The following TRPM5 variants were observed in gnomAD, a reference collection of about 807,000 sequenced individuals.
The protein encoded by TRPM5 is transient receptor potential cation channel subfamily M member 5, also known as MLSN1 and TRP-related.
A neutral mutation model predicts 124.9 loss-of-function variants in TRPM5; 121 were observed. The ratio of observed to expected loss-of-function variants is 0.97; its 90% CI spans 0.84 to 1.13. The LOEUF (loss-of-function observed/expected upper bound fraction) is 1.13. Ranked by LOEUF, TRPM5 falls within the 50% of genes most tolerant of loss-of-function variation. The probability of loss-of-function intolerance (pLI) is 0.00; values close to 1 mark genes in which losing one functional copy is unlikely to be tolerated. For missense variants in TRPM5, 1,643 were observed against 1,589.1 expected, an observed-to-expected ratio of 1.03 and a Z score of -0.58; for synonymous variants, 781 against 700.5, an observed-to-expected ratio of 1.11 and a Z score of -1.81.
At chr11:2,415,617 C>T in intron 8 of TRPM5, 146 bp from the exon 14 acceptor site, 1 of 660,602 alleles carries the variant, frequency 1.5e-6, no homozygotes, top group Non-Finnish European at 2.5e-6. Flanking sequence ...TCCTGCACCC[C>T]AGCCTGCCCC....
chr11:2,427,340 C>T (rs1238264893), upstream of TRPM5, among the ~76,000 whole-genome samples: 1 of 152,224 alleles, frequency 6.6e-6, no homozygotes, highest in Non-Finnish European at 1.5e-5. Flanking sequence ...TTCTCCCCAG[C>T]ACCCTGACAC....
upstream of TRPM5, among the ~76,000 whole-genome samples, chr11:2,425,222 T>C (rs888712948): frequency 6.6e-6 from 1 of 151,976 alleles, no homozygotes; most frequent in African/African-American, 2.4e-5. Context: ...AAACAACAAA[T>C]GGATGATCTC....
At chr11:2,428,602 G>C in the TRPM5 span, among the ~76,000 whole-genome samples, 5 of 151,918 alleles carry the variant, frequency 3.3e-5, no homozygotes, top group African/African-American at 1.2e-4. This position sits in a 1 kb window ranked among gnomAD's most constrained non-coding sequence, Gnocchi z 4.0. Flanking sequence ...CATGAGGGTA[G>C]TTGGGGTGGT....
At chr11:2,413,636 G>A in intron 12 of TRPM5, 48 bp from the exon 18 acceptor site, 2 of 1,546,594 alleles carry the variant, frequency 1.3e-6, no homozygotes, top group Non-Finnish European at 1.8e-6. Flanking sequence ...CCTTTGCCCA[G>A]GCTGCGCCCT....
At chr11:2,414,141 G>A (rs201970235) in exon 12 of TRPM5, 11 of 1,607,788 alleles carry the variant, frequency 6.8e-6, no homozygotes, top group African/African-American at 2.7e-5. Flanking sequence ...CTCCAGCAGC[G>A]GTTCCGGCGC....
At chr11:2,405,774 C>G (rs927014041) in intron 22 of TRPM5, among the ~76,000 whole-genome samples, 181 bp from the exon 28 acceptor site, 1 of 152,092 alleles carries the variant, frequency 6.6e-6, no homozygotes, top group African/African-American at 2.4e-5. Flanking sequence ...GAGTGAAAGG[C>G]GAGGGGTCTT....
chr11:2,410,103 C>T (rs866478771), intron 18 of TRPM5, among the ~76,000 whole-genome samples: 4 of 152,124 alleles, frequency 2.6e-5, no homozygotes, highest in African/African-American at 9.7e-5. Flanking sequence ...GAGGTGGGGT[C>T]GCAGGCAGGC....
At chr11:2,408,432 C>T (rs555285197) in intron 18 of TRPM5, among the ~76,000 whole-genome samples, 16 of 152,344 alleles carry the variant, frequency 1.1e-4, no homozygotes, top group East Asian at 3.9e-4. Context: ...CAAGTAATTC[C>T]GCCACCTTTC....
At chr11:2,404,686 T>C (rs1850276758) in exon 24 of TRPM5, 1 of 513,934 alleles carries the variant, frequency 1.9e-6, no homozygotes, top group Non-Finnish European at 3.5e-6. Flanking sequence ...GTGGGGCACG[T>C]TTTCTGCCCG....
In TRPM5 at chr11:2,418,260, G is replaced by T. The variant is rs1343853165; in HGVS notation, c.813C>A (p.His271Gln). 1 of 1,583,848 alleles carries T rather than the reference G, an allele frequency of 6.3e-7. No homozygotes were observed. Among genetic ancestry groups the T allele is most frequent in the Non-Finnish European group, 8.6e-7 (1 of 1,165,174 alleles). Residue 271 changes from histidine (H) to glutamine (Q), a missense_variant, in exon 6 of 24, where the codon CAC (histidine) becomes CAA (glutamine). Coordinates refer to ENST00000155858, the Ensembl canonical transcript of TRPM5. ...TCTCGGCCACCTTGGGCACCAGGAGGTGGGGCTGGTTCACTAGGGCAGCAA... is the reference window on the plus strand; with the variant it reads ...TCTCGGCCACCTTGGGCACCAGGAGTTGGGGCTGGTTCACTAGGGCAGCAA...
the TRPM5 span, among the ~76,000 whole-genome samples, chr11:2,439,218 A>C: frequency 6.6e-6 from 1 of 152,242 alleles, no homozygotes; most frequent in Non-Finnish European, 1.5e-5. Context: ...TCAAACTATA[A>C]GACTACTAAG....
chr11:2,405,117 T>G, intron 23 of TRPM5, 74 bp from the exon 29 acceptor site: 1 of 1,333,440 alleles, frequency 7.5e-7, no homozygotes, highest in Non-Finnish European at 1.1e-6. Context: ...GGTAGCTGGC[T>G]CAGAGGCAAG....
At chr11:2,437,533 A>G in the TRPM5 span, among the ~76,000 whole-genome samples, 2 of 152,196 alleles carry the variant, frequency 1.3e-5, no homozygotes, top group Non-Finnish European at 2.9e-5. The surrounding 1 kb of genome is among the most constrained non-coding windows in gnomAD (Gnocchi z 5.6). Flanking sequence ...ACCATCTGAC[A>G]TAGCCTGCAA....
At chr11:2,441,400 C>G in the TRPM5 span, among the ~76,000 whole-genome samples, 1 of 152,038 alleles carries the variant, frequency 6.6e-6, no homozygotes, top group South Asian at 2.1e-4. This position sits in a 1 kb window ranked among gnomAD's most constrained non-coding sequence, Gnocchi z 7.2. Flanking sequence ...CACCCTTACT[C>G]CCCCACCCTC....
chr11:2,428,801 GTGA>G, the TRPM5 span, among the ~76,000 whole-genome samples: 5 of 151,920 alleles, frequency 3.3e-5, no homozygotes, highest in South Asian at 2.1e-4. This position sits in a 1 kb window ranked among gnomAD's most constrained non-coding sequence, Gnocchi z 4.0. Flanking sequence ...GGTGGTGGTG[GTGA>G]TGATTGTGGT....
At chr11:2,434,123 CTG>C in the TRPM5 span, among the ~76,000 whole-genome samples, 3 of 146,710 alleles carry the variant, frequency 2.0e-5, no homozygotes, top group East Asian at 6.2e-4. Context: ...TATGTAGACA[CTG>C]TGTGTGGCTG....
chr11:2,413,910 C>A, intron 12 of TRPM5, 151 bp downstream of exon 17: 1 of 1,157,002 alleles, frequency 8.6e-7, no homozygotes, highest in East Asian at 2.6e-5. Context: ...AGGTGGGCGC[C>A]TTCCAGGAAC....
At chr11:2,425,968 T>C (rs1845837302), upstream of TRPM5, among the ~76,000 whole-genome samples, 1 of 152,178 alleles carries the variant, frequency 6.6e-6, no homozygotes, top group Non-Finnish European at 1.5e-5. Context: ...CAGGGCTCCC[T>C]GGCCCTTGAA....
chr11:2,440,878 G>A, the TRPM5 span, among the ~76,000 whole-genome samples: 1 of 152,144 alleles, frequency 6.6e-6, no homozygotes, highest in Admixed American at 6.5e-5. The surrounding 1 kb of genome is among the most constrained non-coding windows in gnomAD (Gnocchi z 5.2). Context: ...TCTCACAGCA[G>A]CCACACACCC....
Sources: gnomAD v4.1 joint callset for allele counts (sites outside exome capture counted in the v4.1 genomes callset) on GRCh38, gnomAD v4.1.1 for gene constraint, Gnocchi (gnomAD v3.1) non-coding constraint, MANE v1.5 for transcripts, NCBI Gene and HGNC (gene_info 2026-07-23, HGNC 2026-07-21) for gene names.